Variants in FRMPD4 observed in about 807,000 individuals in gnomAD.
FRMPD4 encodes the protein FERM and PDZ domain-containing protein 4.
FRMPD4 carries 22 observed loss-of-function variants against 94.1 expected under a neutral mutation model. The ratio of observed to expected loss-of-function variants is 0.23; its 90% confidence interval spans 0.17 to 0.33. FRMPD4 has a LOEUF of 0.33. Among genes scored for constraint, FRMPD4 ranks in the 10% least tolerant of loss-of-function variants. FRMPD4 has a pLI of 1.00. For synonymous variants in FRMPD4, 631 were observed against 548.6 expected (o/e 1.15, Z -2.10); for missense variants, 1,111 against 1,339.9 (o/e 0.83, Z 2.67).
At chrX:12,697,233 CA>C (rs2060142295) in intron 9 of FRMPD4, among the ~76,000 whole-genome samples, 1 of 112,097 alleles carries the variant, frequency 8.9e-6, no homozygotes, top group Admixed American at 9.5e-5. Context: ...CACTTGTCAA[CA>C]ATATCTCCTT....
At chrX:12,463,683 TTTTTTTTTGTTTTTG>T (rs2057416930) in intron 1 of FRMPD4, among the ~76,000 whole-genome samples, 1 of 29,425 alleles carries the variant, frequency 3.4e-5, no homozygotes, top group South Asian at 2.0e-3. Flanking sequence ...ATGTGTGTGT[TTTTTTTTTGTTTTTG>T]TTTTTTTTTT....
rs1181615277 is a variant in FRMPD4 at position 12,606,092 on chromosome X, C to T, written c.159-3629C>T. On this transcript the variant is annotated intron_variant, in intron 2 of 16. Coordinates refer to ENST00000675598, the MANE Select transcript of FRMPD4 (RefSeq NM_001368397.1). Reference sequence around the variant, plus strand: ...TGGAAAGCATTTGGAACAAACAATGCTTAGCATGAAATTAATGTTTAATAA... The same window carrying T: ...TGGAAAGCATTTGGAACAAACAATGTTTAGCATGAAATTAATGTTTAATAA... 3.6e-5 allele frequency among the ~76,000 whole-genome samples: 4 copies of T among 112,100 alleles called. No homozygotes were observed. In the East Asian group the frequency reaches 1.1e-3, roughly 31 times the overall value.
rs745391392 is a variant in FRMPD4, at chrX:12,472,184, G to A, written c.42-26496G>A. Among the ~76,000 whole-genome samples, 7 of 112,447 alleles carry A rather than the reference G, an allele frequency of 6.2e-5. No homozygotes were observed. The South Asian group carries it at 2.6e-3, about 41-fold the overall frequency. On this transcript the variant is annotated intron_variant, in intron 1 of 16. Coordinates refer to ENST00000675598, the MANE Select transcript of FRMPD4 (RefSeq NM_001368397.1). ...AAGATAAGTTGCCCACAAACCCTGT[G>A]TTTGCCATGATGAATCCTGGGGGTC... is the stretch of plus-strand genomic sequence containing the variant.
At chrX:12,407,871 T>A (rs1212438169) in intron 1 of FRMPD4, among the ~76,000 whole-genome samples, 1 of 111,322 alleles carries the variant, frequency 9.0e-6, no homozygotes, top group Non-Finnish European at 1.9e-5. Flanking sequence ...TGCCAATCCT[T>A]AATCTAGAAT....
chrX:12,601,494 A>G, intron 2 of FRMPD4, among the ~76,000 whole-genome samples: 1 of 111,445 alleles, frequency 9.0e-6, no homozygotes, highest in South Asian at 3.9e-4. Flanking sequence ...CTGTCCTGAT[A>G]TTGCTCCACA....
At chrX:11,902,349 G>A (rs765712256) in intron 3 of FRMPD4, among the ~76,000 whole-genome samples, 1 of 111,402 alleles carries the variant, frequency 9.0e-6, no homozygotes, top group Non-Finnish European at 1.9e-5. Flanking sequence ...AGCAGATTTG[G>A]TTCCTTGTGA....
chrX:12,702,575 T>C (rs2041807178), intron 10 of FRMPD4, among the ~76,000 whole-genome samples: 1 of 112,148 alleles, frequency 8.9e-6, no homozygotes, highest in Non-Finnish European at 1.9e-5. Context: ...ATGTATAAAC[T>C]AATTAAAATC....
chrX:12,026,677 A>G (rs751170026), intron 3 of FRMPD4, among the ~76,000 whole-genome samples: 41 of 112,401 alleles, frequency 3.6e-4, no homozygotes, highest in Non-Finnish European at 5.6e-5. Flanking sequence ...CCATGTATGA[A>G]TCACTAGGAG....
chrX:11,864,022 G>A (rs1380832829), intron 1 of FRMPD4, among the ~76,000 whole-genome samples: 1 of 111,241 alleles, frequency 9.0e-6, no homozygotes, highest in African/African-American at 3.3e-5. Flanking sequence ...ATACTTCTAT[G>A]TTTAGGGCCT....
intron 3 of FRMPD4, among the ~76,000 whole-genome samples, chrX:12,611,370 T>A (rs773320440): frequency 5.4e-5 from 6 of 112,133 alleles, no homozygotes; most frequent in African/African-American, 1.9e-4. Flanking sequence ...ACTGCCTGAA[T>A]CTGACTCCTA....
chrX:12,508,072 C>A (rs1195825497), intron 2 of FRMPD4, among the ~76,000 whole-genome samples: 3 of 112,395 alleles, frequency 2.7e-5, no homozygotes, highest in Non-Finnish European at 5.6e-5. Context: ...GACAGAAAAA[C>A]AGCCCCATTG....
chrX:12,701,907 C>T lies in FRMPD4; in HGVS notation c.967C>T (p.Pro323Ser), dbSNP rs1257180179. 8.3e-7 allele frequency: 1 copy of T among 1,209,634 alleles called. No homozygotes were observed. The highest frequency in any genetic ancestry group is 1.7e-5 in the African/African-American group (1 of 57,534). The change falls in exon 10 of 17, where the codon CCG becomes TCG. Residue 323 changes from proline (P) to serine (S), a missense_variant. By Grantham distance (74) the Pro-to-Ser change is moderately conservative. This residue lies in a region of FRMPD4 where 37 missense variants were observed against 101.0 expected (regional missense o/e 0.37). Coordinates refer to ENST00000675598, the MANE Select transcript of FRMPD4 (RefSeq NM_001368397.1). ...CNDVVQERFGPELKYDIALRL... is the reference protein window; with the variant it reads ...CNDVVQERFGSELKYDIALRL... ...CGATGTGGTTCAGGAGCGATTTGGGCCGGAGCTGAAATATGACATAGCCCT... is the reference window on the plus strand; with the variant it reads ...CGATGTGGTTCAGGAGCGATTTGGGTCGGAGCTGAAATATGACATAGCCCT...
intron 1 of FRMPD4, among the ~76,000 whole-genome samples, chrX:12,326,057 A>G (rs1350181593): frequency 2.7e-5 from 3 of 111,976 alleles, no homozygotes; most frequent in Non-Finnish European, 5.6e-5. Context: ...TTTAGAGGAG[A>G]ATGTCCTCAT....
rs368323965 is a variant in FRMPD4 at position 12,629,371 on chromosome X, A to G, written c.422+14490A>G. On this transcript the variant is annotated intron_variant, in intron 4 of 16. Transcript: ENST00000675598. ...GAAACTTTGGTGACTATTTCAAAAT[A>G]TTGTCCTGCTGTGTGCTACCCAGTG... is the stretch of plus-strand genomic sequence containing the variant. 9.8e-5 allele frequency among the ~76,000 whole-genome samples: 11 copies of G among 111,869 alleles called. No individual in the cohort carries two copies. In the East Asian group the frequency reaches 2.0e-3, roughly 20 times the overall value.
chrX:12,180,761 A>G (rs2056349254), intron 1 of FRMPD4, among the ~76,000 whole-genome samples: 1 of 112,675 alleles, frequency 8.9e-6, no homozygotes, highest in South Asian at 3.7e-4. Context: ...ACATTGTAGC[A>G]TGAAAGCAGC....
chrX:12,394,733 A>G (rs1365504920), intron 1 of FRMPD4, among the ~76,000 whole-genome samples: 1 of 111,545 alleles, frequency 9.0e-6, no homozygotes. Context: ...TTTTATCGAT[A>G]AAGTATAACA....
chrX:12,328,284 A>G (rs1002992905), intron 1 of FRMPD4, among the ~76,000 whole-genome samples: 1 of 112,440 alleles, frequency 8.9e-6, no homozygotes, highest in African/African-American at 3.2e-5. Flanking sequence ...TTTCTAAACT[A>G]TAAAATTCAA....
intron 3 of FRMPD4, among the ~76,000 whole-genome samples, chrX:11,945,989 A>G (rs1216044664): frequency 8.9e-6 from 1 of 112,220 alleles, no homozygotes; most frequent in African/African-American, 3.2e-5. Context: ...TTGCAAATAG[A>G]TGATTCCTTC....
intron 1 of FRMPD4, among the ~76,000 whole-genome samples, chrX:12,219,204 A>G (rs2056837950): frequency 9.0e-6 from 1 of 111,674 alleles, no homozygotes; most frequent in Non-Finnish European, 1.9e-5. Context: ...TCTCGTCTCT[A>G]CAAAAAATAT....
Sources: gnomAD v4.1 joint callset for allele counts (sites outside exome capture counted in the v4.1 genomes callset) on GRCh38, gnomAD v4.1.1 for gene constraint, gnomAD v4.1.1 regional missense constraint, MANE v1.5 for transcripts, NCBI Gene and HGNC (gene_info 2026-07-23, HGNC 2026-07-21) for gene names.